Variants in KCNQ3 observed in about 807,000 individuals in gnomAD.
KCNQ3 encodes the protein potassium voltage-gated channel subfamily Q member 3, also known as potassium voltage-gated channel subfamily KQT member 3.
A neutral mutation model predicts 92.5 loss-of-function variants in KCNQ3; 30 were observed. The ratio of observed to expected loss-of-function variants is 0.32; its 90% CI spans 0.24 to 0.44. The LOEUF (loss-of-function observed/expected upper bound fraction) is 0.44. Ranked by LOEUF, KCNQ3 falls within the 20% of genes least tolerant of loss-of-function variation. The pLI is 1.00. For missense variants in KCNQ3, 913 were observed against 1,140.3 expected (o/e 0.80, Z 2.87); for synonymous variants, 450 against 468.8 (o/e 0.96, Z 0.52).
At chr8:132,353,758 G>A (rs1044599213) in intron 1 of KCNQ3, among the ~76,000 whole-genome samples, 2 of 152,150 alleles carry the variant, frequency 1.3e-5, no homozygotes, top group Non-Finnish European at 2.9e-5. Context: ...ATGTTGCAGT[G>A]AGCCGAGATC....
At chr8:132,151,184 G>T (rs1199052001) in intron 9 of KCNQ3, among the ~76,000 whole-genome samples, 1 of 152,132 alleles carries the variant, frequency 6.6e-6, no homozygotes. Flanking sequence ...CCTTAGTTAT[G>T]CTGGAAGGAG....
intron 1 of KCNQ3, among the ~76,000 whole-genome samples, chr8:132,296,949 A>C (rs1477876838): frequency 1.1e-4 from 17 of 151,726 alleles, no homozygotes; most frequent in South Asian, 8.4e-4. Flanking sequence ...GTTCTAGATC[A>C]CTGAGGAATC....
intron 1 of KCNQ3, among the ~76,000 whole-genome samples, chr8:132,232,884 T>C (rs1272734282): frequency 2.0e-5 from 3 of 152,124 alleles, no homozygotes; most frequent in Non-Finnish European, 1.5e-5. Context: ...TCCATATCTT[T>C]CTTCTTCTTT....
intron 1 of KCNQ3, among the ~76,000 whole-genome samples, chr8:132,322,276 G>T (rs542732282): frequency 6.6e-6 from 1 of 152,288 alleles, no homozygotes; most frequent in East Asian, 1.9e-4. Context: ...CTCAGCAAAG[G>T]TGACTCTATA....
intron 9 of KCNQ3, among the ~76,000 whole-genome samples, chr8:132,149,326 G>A (rs1405047803): frequency 6.6e-6 from 1 of 152,218 alleles, no homozygotes; most frequent in Non-Finnish European, 1.5e-5. Flanking sequence ...GACTTGGGAT[G>A]CTATCTGTGA....
chr8:132,384,902 A>C lies in KCNQ3; in HGVS notation c.386+95245T>G, dbSNP rs915383737. On this transcript the variant is annotated intron_variant, in intron 1 of 14. Transcript: ENST00000388996. ...TTGGGAGAATTAAACAGGATAATCCACATGCAATGCTTTTCCCAGTGACCA... is the reference window on the plus strand; with the variant it reads ...TTGGGAGAATTAAACAGGATAATCCCCATGCAATGCTTTTCCCAGTGACCA... Among the ~76,000 whole-genome samples, 7 of 152,216 alleles carry C rather than the reference A, an allele frequency of 4.6e-5. No individual in the cohort carries two copies. In the East Asian group the frequency reaches 7.7e-4, roughly 17 times the overall value.
At chr8:132,164,230 G>C (rs1352516476) in intron 8 of KCNQ3, among the ~76,000 whole-genome samples, 1 of 151,676 alleles carries the variant, frequency 6.6e-6, no homozygotes, top group Admixed American at 6.6e-5. Context: ...GCCCTCCTAG[G>C]GGTTCTTATT....
At chr8:132,472,928 G>A (rs1587053652) in intron 1 of KCNQ3, among the ~76,000 whole-genome samples, 1 of 152,124 alleles carries the variant, frequency 6.6e-6, no homozygotes, top group East Asian at 1.9e-4. Flanking sequence ...AACAGCCTTG[G>A]GATGTAGGCA....
At chr8:132,340,445 G>A (rs901278007) in intron 1 of KCNQ3, among the ~76,000 whole-genome samples, 4 of 152,218 alleles carry the variant, frequency 2.6e-5, no homozygotes, top group African/African-American at 9.7e-5. Flanking sequence ...AAAAGAATGA[G>A]TTCATTTCCT....
chr8:132,200,858 G>A (rs958146532), intron 1 of KCNQ3, among the ~76,000 whole-genome samples: 2 of 152,098 alleles, frequency 1.3e-5, no homozygotes, highest in Non-Finnish European at 2.9e-5. Flanking sequence ...GCTGCCCCAG[G>A]TGCATGTTTA....
At chr8:132,237,731 C>T (rs921828741) in intron 1 of KCNQ3, among the ~76,000 whole-genome samples, 3 of 152,076 alleles carry the variant, frequency 2.0e-5, no homozygotes, top group African/African-American at 4.8e-5. Flanking sequence ...TTGGAATTTG[C>T]GCTTTAATAG....
At chr8:132,445,944 CAAGCAAG>C (rs1451535003) in intron 1 of KCNQ3, among the ~76,000 whole-genome samples, 1 of 152,174 alleles carries the variant, frequency 6.6e-6, no homozygotes, top group East Asian at 1.9e-4. Flanking sequence ...TATAATTTTC[CAAGCAAG>C]AAGTCCATCT....
At position 132,217,723 on chromosome 8, in the gene KCNQ3, A is replaced by AAAC. The variant is rs1814085397; in HGVS notation, c.387-31543_387-31542insGTT. On this transcript the variant is annotated intron_variant, in intron 1 of 14. Transcript: ENST00000388996. ...GAGGCTCTGTCTCAAAAAAAAAAAAAAAAAAAACAAAACACTGGGAGTCTG... is the reference window on the plus strand; with the variant it reads ...GAGGCTCTGTCTCAAAAAAAAAAAAAAACAAAAAAACAAAACACTGGGAGTCTG... Among the ~76,000 whole-genome samples the AAAC allele has an allele frequency of 3.3e-5, 5 of 151,416 alleles. No individual in the cohort carries two copies. The South Asian group carries it at 1.0e-3, about 32-fold the overall frequency.
intron 1 of KCNQ3, among the ~76,000 whole-genome samples, chr8:132,440,345 GT>G (rs773963092): frequency 2.6e-5 from 4 of 152,258 alleles, no homozygotes; most frequent in South Asian, 4.2e-4. Flanking sequence ...TTTCCCTGCT[GT>G]CCTTCATGGC....
At chr8:132,475,281 G>A (rs1334903551) in intron 1 of KCNQ3, among the ~76,000 whole-genome samples, 8 of 152,200 alleles carry the variant, frequency 5.3e-5, no homozygotes, top group African/African-American at 1.9e-4. Flanking sequence ...ATACTTGCAA[G>A]TATGGAAGAG....
intron 1 of KCNQ3, among the ~76,000 whole-genome samples, chr8:132,217,570 G>A (rs1224516365): frequency 6.6e-6 from 1 of 152,024 alleles, no homozygotes; most frequent in African/African-American, 2.4e-5. Context: ...AATTAGCCAG[G>A]CGTGGTGGCG....
intron 1 of KCNQ3, among the ~76,000 whole-genome samples, chr8:132,462,853 G>A (rs1438052690): frequency 1.3e-5 from 2 of 152,126 alleles, no homozygotes; most frequent in African/African-American, 4.8e-5. Context: ...TATTACTACT[G>A]TTGATATCCC....
intron 1 of KCNQ3, among the ~76,000 whole-genome samples, chr8:132,372,621 G>T (rs949855495): frequency 6.6e-6 from 1 of 151,986 alleles, no homozygotes; most frequent in Non-Finnish European, 1.5e-5. Context: ...GCCGGGAGTG[G>T]TGGCATGCAC....
At chr8:132,463,829 TTGAGATG>T (rs1463864913) in intron 1 of KCNQ3, among the ~76,000 whole-genome samples, 2 of 152,230 alleles carry the variant, frequency 1.3e-5, no homozygotes, top group African/African-American at 4.8e-5. Flanking sequence ...CTTTTATTCT[TTGAGATG>T]GAGTTTTCCT....
Sources: allele counts gnomAD v4.1 joint callset (sites outside exome capture counted in the v4.1 genomes callset), GRCh38; gene constraint gnomAD v4.1.1; transcripts MANE v1.5; gene names NCBI Gene and HGNC (gene_info 2026-07-23, HGNC 2026-07-21).